The following EDC4 variants were observed in gnomAD, a reference collection of about 807,000 sequenced individuals.
EDC4 encodes the protein enhancer of mRNA decapping 4, also known as enhancer of mRNA-decapping protein 4.
Under a neutral mutation model 155.8 loss-of-function variants are expected in EDC4, and 64 were observed. The observed-to-expected ratio is 0.41, with a 90% CI of 0.34 to 0.51. EDC4 has a LOEUF of 0.51. EDC4 is among the 20% of genes least tolerant of loss of function. The pLI is 0.19. For synonymous variants in EDC4, 684 were observed against 716.8 expected, an observed-to-expected ratio of 0.95 and a Z score of 0.73; for missense variants, 1,303 against 1,812.5, an observed-to-expected ratio of 0.72 and a Z score of 5.10.
Position 67,883,150 on chromosome 16 carries a change from G to A in EDC4, c.3822G>A (p.Gln1274=). The A allele has an allele frequency of 6.3e-7, 1 of 1,595,470 alleles. No homozygotes were observed. The highest frequency in any genetic ancestry group is 2.3e-5 in the East Asian group (1 of 44,136). ...CCCATATCCTGCAGCTGCTGCAGCA[G>A]GGCCACCTCAATCAGGCCTTCCAGC... ...QQAHILQLLQ[Q]GHLNQAFQQA... is the part of the protein sequence containing the mutation. The change falls in exon 27 of 29, where the codon CAG becomes CAA. Residue 1274 remains glutamine (Q), a synonymous_variant. Transcript: ENST00000358933. This position sits in a 1 kb window ranked among gnomAD's most constrained non-coding sequence, Gnocchi z 5.3.
rs1242356021 is a variant in EDC4, at chr16:67,884,128, G to A, written c.4186G>A (p.Val1396Met). 9 of 1,610,928 alleles carry A rather than the reference G, an allele frequency of 5.6e-6. No individual in the cohort carries two copies. The highest frequency in any genetic ancestry group is 3.3e-5 in the Admixed American group (2 of 59,878). Residue 1396 changes from valine to methionine, a missense_variant, in exon 29 of 29, where the codon GTG becomes ATG. Around this residue, in one of 5 missense-constraint regions of EDC4, gnomAD observed 527 missense variants for 757.0 expected, o/e 0.70. Coordinates refer to ENST00000358933, the MANE Select transcript of EDC4 (RefSeq NM_014329.5). The surrounding 1 kb of genome is among the most constrained non-coding windows in gnomAD (Gnocchi z 4.1). The part of the protein sequence containing the change: ...RRLSLMLHGL[V>M]TPSLP ...TCTCAGCCTCATGCTGCATGGCCTCGTGACCCCCAGCCTCCCTTAGCTGCT... is the reference window on the plus strand; with the variant it reads ...TCTCAGCCTCATGCTGCATGGCCTCATGACCCCCAGCCTCCCTTAGCTGCT...
chr16:67,882,826 G>A lies in EDC4; in HGVS notation c.3590G>A (p.Arg1197His), dbSNP rs543342658. ...GCAGCCACCGTGGCCGGCAGTGTTC[G>A]TGCTGAGGTGCAGCACCAGCTGCAT... ...QMAATVAGSV[R>H]AEVQHQLHVA... The change falls in exon 26 of 29, where the codon CGT (arginine) becomes CAT (histidine). Residue 1197 changes from arginine (R) to histidine (H), a missense_variant. Coordinates refer to ENST00000358933, the MANE Select transcript of EDC4 (RefSeq NM_014329.5). The surrounding 1 kb of genome is among the most constrained non-coding windows in gnomAD (Gnocchi z 7.2). The A allele has an allele frequency of 8.6e-5, 139 of 1,613,968 alleles. No individual in the cohort carries two copies. Among genetic ancestry groups the A allele is most frequent in the Non-Finnish European group, 1.1e-4 (133 of 1,180,024 alleles).
chr16:67,880,530 T>G lies in EDC4; in HGVS notation c.2098-27T>G. The G allele has an allele frequency of 6.2e-7, 1 of 1,607,746 alleles. No individual in the cohort carries two copies. Among genetic ancestry groups the G allele is most frequent in the South Asian group, 1.1e-5 (1 of 90,668 alleles). On this transcript the variant is annotated intron_variant, in intron 17 of 28. Transcript: ENST00000358933. This position sits in a 1 kb window ranked among gnomAD's most constrained non-coding sequence, Gnocchi z 5.2. ...CATCTCTGCCTCACTTCCTGTCACT[T>G]AAGCCCCCATCTTTGGCCCACCTCA...
Position 67,880,241 on chromosome 16 carries a change from A to T in EDC4, c.2097+25A>T, listed in dbSNP as rs751956493. On this transcript the variant is annotated intron_variant, in intron 17 of 28. Transcript: ENST00000358933. This position sits in a 1 kb window ranked among gnomAD's most constrained non-coding sequence, Gnocchi z 5.2. The stretch of plus-strand genomic sequence containing the variant: ...GGTGTGTGACTGGGTGTGTGTGTGA[A>T]GTGTGGGGAGCAGGTGGGCAGCAGC... 1.9e-6 allele frequency: 3 copies of T among 1,573,778 alleles called. No homozygotes were observed. The highest frequency in any genetic ancestry group is 1.7e-6 in the Non-Finnish European group (2 of 1,161,648).
At position 67,884,349 on chromosome 16, in the gene EDC4, C is replaced by T. The variant is rs1598180030; in HGVS notation, c.*201C>T. 5.2e-6 allele frequency: 3 copies of T among 573,216 alleles called. No homozygotes were observed. Among genetic ancestry groups the T allele is most frequent in the South Asian group, 2.5e-5 (1 of 40,776 alleles). The allele number at this position is 573,216 out of a possible 1,614,324, so 35.5% of individuals were successfully genotyped here. On this transcript the variant is annotated 3_prime_UTR_variant, in exon 29 of 29. Coordinates refer to ENST00000358933, the MANE Select transcript of EDC4 (RefSeq NM_014329.5). The surrounding 1 kb of genome is among the most constrained non-coding windows in gnomAD (Gnocchi z 4.1). ...TTAGCTGGGCCCAGGGCAGGTATTG[C>T]GCCTGCTTGGGTTCTGCCATGCCTG...
Position 67,882,636 on chromosome 16 carries a change from C to G in EDC4, c.3442+42C>G, listed in dbSNP as rs768625095. On this transcript the variant is annotated intron_variant, in intron 25 of 28. Transcript: ENST00000358933. The surrounding 1 kb of genome is among the most constrained non-coding windows in gnomAD (Gnocchi z 7.2). ...GGCCCAAGGTGGGAGGGGTTATCCTCTTTCCTACTGTTCCTCTTATAGTCC... is the reference window on the plus strand; with the variant it reads ...GGCCCAAGGTGGGAGGGGTTATCCTGTTTCCTACTGTTCCTCTTATAGTCC... The G allele has an allele frequency of 5.6e-6, 9 of 1,614,250 alleles. No individual in the cohort carries two copies. Among genetic ancestry groups the G allele is most frequent in the Non-Finnish European group, 7.6e-6 (9 of 1,180,058 alleles).
chr16:67,880,399 C>A lies in EDC4; in HGVS notation c.2098-158C>A. On this transcript the variant is annotated intron_variant, in intron 17 of 28. Coordinates refer to ENST00000358933, the MANE Select transcript of EDC4 (RefSeq NM_014329.5). The surrounding 1 kb of genome is among the most constrained non-coding windows in gnomAD (Gnocchi z 5.2). ...GGGTGTCTCCTCAGCCTCCCTGTCC[C>A]CACCTCCTCTTCTTGGCTGTGGCCT... The A allele has an allele frequency of 7.4e-7, 1 of 1,342,410 alleles. No individual in the cohort carries two copies. The highest frequency in any genetic ancestry group is 1.0e-6 in the Non-Finnish European group (1 of 985,128). The allele number at this position is 1,342,410 out of a possible 1,614,324, so 83.2% of individuals were successfully genotyped here. A position where few individuals can be genotyped will look rare whatever the true frequency, so the allele number is the denominator to read the frequency against.
intron 1 of EDC4, among the ~76,000 whole-genome samples, chr16:67,873,989 C>T (rs972660428): frequency 3.3e-5 from 5 of 152,168 alleles, no homozygotes; most frequent in Non-Finnish European, 4.4e-5. Context: ...GTCTTGCCCC[C>T]AAAGATTCCC....
rs369225115 is a variant in EDC4, at chr16:67,878,671, G to A, written c.1184+40G>A. On this transcript the variant is annotated intron_variant, in intron 10 of 28. Coordinates refer to ENST00000358933, the MANE Select transcript of EDC4 (RefSeq NM_014329.5). The surrounding 1 kb of genome is among the most constrained non-coding windows in gnomAD (Gnocchi z 5.2). ...GAAGGCTGGGGGACTGGGCAGGGGC[G>A]GCAGGGTTGGGAATGTAGCTTCCTT... 1.5e-5 allele frequency: 25 copies of A among 1,614,014 alleles called. No homozygotes were observed. Among genetic ancestry groups the A allele is most frequent in the East Asian group, 2.2e-5 (1 of 44,892 alleles).
At position 67,877,440 on chromosome 16, in the gene EDC4, A is replaced by G. The variant is rs1288132269; in HGVS notation, c.641+34A>G. On this transcript the variant is annotated intron_variant, in intron 5 of 28. Transcript: ENST00000358933. This position sits in a 1 kb window ranked among gnomAD's most constrained non-coding sequence, Gnocchi z 4.9. Reference sequence around the variant, plus strand: ...TCCTTCCTGTGGGTGGTGGGACTGAAGAAGGGTGGGCGGAGCTGGGGTGTC... The same window carrying G: ...TCCTTCCTGTGGGTGGTGGGACTGAGGAAGGGTGGGCGGAGCTGGGGTGTC... 5.0e-6 allele frequency: 8 copies of G among 1,610,946 alleles called. No individual in the cohort carries two copies. The highest frequency in any genetic ancestry group is 2.2e-5 in the South Asian group (2 of 91,010).
chr16:67,879,916 C>CT lies in EDC4; in HGVS notation c.1890dup (p.Thr631TyrfsTer21). On this transcript the variant is annotated frameshift_variant, in exon 16 of 29. Coordinates refer to ENST00000358933, the MANE Select transcript of EDC4 (RefSeq NM_014329.5). LOFTEE classifies it high-confidence loss of function. This position sits in a 1 kb window ranked among gnomAD's most constrained non-coding sequence, Gnocchi z 6.0. ...CAGCAGCAGCAGTAGCAGCAGCTCC[C>CT]TTACAGCTGTGTCTGCCATGAGCAG... 6.2e-7 allele frequency: 1 copy of CT among 1,613,870 alleles called. No homozygotes were observed. The highest frequency in any genetic ancestry group is 8.5e-7 in the Non-Finnish European group (1 of 1,179,944).
chr16:67,876,452 G>A lies in EDC4; in HGVS notation c.240-36G>A, dbSNP rs2058041958. On this transcript the variant is annotated intron_variant, in intron 2 of 28. Coordinates refer to ENST00000358933, the MANE Select transcript of EDC4 (RefSeq NM_014329.5). The surrounding 1 kb of genome is among the most constrained non-coding windows in gnomAD (Gnocchi z 5.8). ...AACCCTGCCCGCTGAGCCTTTGGGT[G>A]AACAAGAGGCAAAGTTTTTGCACTC... The A allele has an allele frequency of 1.2e-6, 2 of 1,609,558 alleles. No homozygotes were observed. The highest frequency in any genetic ancestry group is 1.3e-5 in the African/African-American group (1 of 74,972).
chr16:67,873,358 C>A lies in EDC4; in HGVS notation c.82+15C>A, dbSNP rs1474077262. On this transcript the variant is annotated intron_variant, in intron 1 of 28. Coordinates refer to ENST00000358933, the MANE Select transcript of EDC4 (RefSeq NM_014329.5). ...GCCCGCGGGCGGTGAGCGGGGGTTG[C>A]GGGGGTGGGCCCCAGGCGAGCTGAC... is the stretch of plus-strand genomic sequence containing the variant. 7.0e-6 allele frequency: 10 copies of A among 1,434,422 alleles called. No individual in the cohort carries two copies. Among genetic ancestry groups the A allele is most frequent in the East Asian group, 3.0e-5 (1 of 33,320 alleles). The allele number at this position is 1,434,422 out of a possible 1,614,324, so 88.9% of individuals were successfully genotyped here. A position where few individuals can be genotyped will look rare whatever the true frequency, so the allele number is the denominator to read the frequency against.
rs376565425 is a variant in EDC4, at chr16:67,883,947, C to G, written c.4014-9C>G. On this transcript the variant is annotated splice_polypyrimidine_tract_variant and intron_variant, in intron 28 of 28. Transcript: ENST00000358933. This position sits in a 1 kb window ranked among gnomAD's most constrained non-coding sequence, Gnocchi z 5.3. ...CACCTGTAGCCTGTCCTTTCCCCCC[C>G]ATCCCCAGCTACCTGGAAGAGGCCG... The G allele has an allele frequency of 3.8e-6, 6 of 1,586,968 alleles. No homozygotes were observed. The highest frequency in any genetic ancestry group is 4.5e-5 in the East Asian group (2 of 44,406).
At position 67,883,189 on chromosome 16, in the gene EDC4, A is replaced by C. The variant is rs779385318; in HGVS notation, c.3849+12A>C. The C allele has an allele frequency of 1.9e-6, 3 of 1,555,524 alleles. No homozygotes were observed. The highest frequency in any genetic ancestry group is 1.7e-6 in the Non-Finnish European group (2 of 1,151,010). On this transcript the variant is annotated intron_variant, in intron 27 of 28. Transcript: ENST00000358933. This position sits in a 1 kb window ranked among gnomAD's most constrained non-coding sequence, Gnocchi z 5.3. ...AGGCCTTCCAGCAGGTACGATAGGC[A>C]TTAGGCCCTGCTAAGGGTCACGTGT... is the stretch of plus-strand genomic sequence containing the variant.
chr16:67,880,874 T>C lies in EDC4; in HGVS notation c.2415T>C (p.His805=), dbSNP rs985637144. 1.3e-5 allele frequency: 21 copies of C among 1,613,638 alleles called. No homozygotes were observed. The highest frequency in any genetic ancestry group is 1.7e-5 in the Admixed American group (1 of 60,000). ...LDGGPGDGDR[H]NTPSLLEAAL... is the part of the protein sequence containing the mutation. ...GAGGCCCTGGGGATGGAGATCGGCA[T>C]AATACCCCCTCCCTCCTGGAGGCAG... Residue 805 remains histidine, a synonymous_variant, in exon 18 of 29, where the codon CAT becomes CAC. Coordinates refer to ENST00000358933, the MANE Select transcript of EDC4 (RefSeq NM_014329.5). This position sits in a 1 kb window ranked among gnomAD's most constrained non-coding sequence, Gnocchi z 5.2.
In EDC4 at chr16:67,873,307, C is replaced by T; in HGVS notation, c.46C>T (p.Leu16=). ...CGACATCGAGGACGCCACGCAGCAC[C>T]TGCGGGACATCCTCAAGCTGGACCG... The part of the protein sequence containing the change: ...SIDIEDATQH[L]RDILKLDRPA... Residue 16 remains leucine, a synonymous_variant, in exon 1 of 29, where the codon CTG becomes TTG. Coordinates refer to ENST00000358933, the MANE Select transcript of EDC4 (RefSeq NM_014329.5). The T allele has an allele frequency of 6.8e-7, 1 of 1,478,338 alleles. No homozygotes were observed. Among genetic ancestry groups the T allele is most frequent in the Non-Finnish European group, 8.9e-7 (1 of 1,117,866 alleles). The allele number at this position is 1,478,338 out of a possible 1,614,324, so 91.6% of individuals were successfully genotyped here. A position where few individuals can be genotyped will look rare whatever the true frequency, so the allele number is the denominator to read the frequency against.
At position 67,882,135 on chromosome 16, in the gene EDC4, T is replaced by A; in HGVS notation, c.3160+26T>A. On this transcript the variant is annotated intron_variant, in intron 23 of 28. Coordinates refer to ENST00000358933, the MANE Select transcript of EDC4 (RefSeq NM_014329.5). The surrounding 1 kb of genome is among the most constrained non-coding windows in gnomAD (Gnocchi z 7.2). ...GTGAGTTTTGCATGCAGACTCCCTT[T>A]GGGTGGTTCAGGTGGGAGTGGGGTA... The A allele has an allele frequency of 6.2e-7, 1 of 1,613,746 alleles. No individual in the cohort carries two copies. The highest frequency in any genetic ancestry group is 8.5e-7 in the Non-Finnish European group (1 of 1,179,962).
rs1391826244 is a variant in EDC4, at chr16:67,876,436, C to T, written c.240-52C>T. The T allele has an allele frequency of 1.8e-5, 29 of 1,600,674 alleles. No individual in the cohort carries two copies. The highest frequency in any genetic ancestry group is 2.2e-5 in the South Asian group (2 of 89,398). ...GTCCTCGCTTCCTCCCAACCCTGCCCGCTGAGCCTTTGGGTGAACAAGAGG... is the reference window on the plus strand; with the variant it reads ...GTCCTCGCTTCCTCCCAACCCTGCCTGCTGAGCCTTTGGGTGAACAAGAGG... On this transcript the variant is annotated intron_variant, in intron 2 of 28. Transcript: ENST00000358933. The surrounding 1 kb of genome is among the most constrained non-coding windows in gnomAD (Gnocchi z 5.8).
Sources: allele counts gnomAD v4.1 joint callset (sites outside exome capture counted in the v4.1 genomes callset), GRCh38; gene constraint gnomAD v4.1.1; regional missense constraint gnomAD v4.1.1; non-coding constraint Gnocchi (gnomAD v3.1); transcripts MANE v1.5; gene names NCBI Gene and HGNC (gene_info 2026-07-23, HGNC 2026-07-21).